The following PTCHD1 variants were observed in gnomAD, a reference collection of about 807,000 sequenced individuals.
The protein encoded by PTCHD1 is patched domain containing 1.
PTCHD1 carries 3 observed loss-of-function variants against 34.6 expected under a neutral mutation model. The ratio of observed to expected loss-of-function variants is 0.09; its 90% CI spans 0.04 to 0.22. The LOEUF is 0.22. Ranked by LOEUF, PTCHD1 falls within the 10% of genes least tolerant of loss-of-function variation. PTCHD1 has a pLI of 1.00. For missense variants in PTCHD1, 504 were observed against 685.5 expected (o/e 0.74, Z 2.96); for synonymous variants, 305 against 283.1 (o/e 1.08, Z -0.77).
chrX:23,362,272 C>A (rs990861469), intron 1 of PTCHD1, among the ~76,000 whole-genome samples: 10 of 112,362 alleles, frequency 8.9e-5, no homozygotes, highest in Non-Finnish European at 1.7e-4. Context: ...TTCTCCCCGT[C>A]ACTTTCAGGT....
intron 1 of PTCHD1, chrX:23,351,209 C>T: frequency 1.1e-5 from 8 of 709,940 alleles, no homozygotes; most frequent in Non-Finnish European, 1.8e-5. Context: ...TCGGTGGAAT[C>T]ACTGGACAGT....
At position 23,396,446 on chromosome X, in the gene PTCHD1, A is replaced by G. The variant is rs1273424535; in HGVS notation, c.*2261A>G. 8.9e-6 allele frequency: 1 copy of G among 112,163 alleles called. No individual in the cohort carries two copies. Among genetic ancestry groups the G allele is most frequent in the Admixed American group, 9.5e-5 (1 of 10,578 alleles). The allele number at this position is 112,163 out of a possible 1,213,427, so 9.2% of individuals were successfully genotyped here. ...AAGAGGGGATTGGTTTTACTGTTAA[A>G]TCATGTGTTGCTAAATCATTTTCTG... On this transcript the variant is annotated 3_prime_UTR_variant, in exon 3 of 3. Transcript: ENST00000379361.
rs964172075 is a variant in PTCHD1, at chrX:23,366,181, A to G, written c.352-13410A>G. The stretch of plus-strand genomic sequence containing the variant: ...TATGACCCCCACGGTTCAGACCTTC[A>G]TTTCGTCAGTGAACTAGTTGTTACA... On this transcript the variant is annotated intron_variant, in intron 1 of 2. Coordinates refer to ENST00000379361, the MANE Select transcript of PTCHD1 (RefSeq NM_173495.3). Among the ~76,000 whole-genome samples the G allele has an allele frequency of 2.7e-5, 3 of 111,948 alleles. 1 individual carries two copies. The highest frequency in any genetic ancestry group is 1.9e-4 in the Admixed American group (2 of 10,575).
intron 2 of PTCHD1, among the ~76,000 whole-genome samples, chrX:23,385,412 C>T (rs1323590111): frequency 9.0e-6 from 1 of 111,223 alleles, no homozygotes; most frequent in African/African-American, 3.3e-5. Flanking sequence ...TGTCTTTGAC[C>T]CAGGATTCCC....
At chrX:23,341,700 A>G (rs781460298) in intron 1 of PTCHD1, among the ~76,000 whole-genome samples, 104 of 110,716 alleles carry the variant, frequency 9.4e-4, no homozygotes, top group Non-Finnish European at 1.7e-3. Flanking sequence ...CTAACCTTTA[A>G]AAGACAAGAA....
chrX:23,390,125 A>T (rs142293267), intron 2 of PTCHD1, among the ~76,000 whole-genome samples: 1,851 of 112,009 alleles, frequency 0.017, 37 homozygotes, highest in African/African-American at 0.057. Context: ...GAACTGCAAA[A>T]CAGATTTAAG....
chrX:23,379,507 C>T, intron 1 of PTCHD1, 84 bp from the exon 2 acceptor site: 1 of 978,348 alleles, frequency 1.0e-6, no homozygotes, highest in South Asian at 2.1e-5. Context: ...AACTGTTTAG[C>T]TTAGAGACGG....
At chrX:23,351,129 A>T (rs770816175) in intron 1 of PTCHD1, 33 of 551,314 alleles carry the variant, frequency 6.0e-5, no homozygotes, top group African/African-American at 5.2e-4. Context: ...TTAAATCTGG[A>T]GGAGGAAGCC....
At chrX:23,373,984 CA>C (rs1922337117) in intron 1 of PTCHD1, among the ~76,000 whole-genome samples, 1 of 111,350 alleles carries the variant, frequency 9.0e-6, no homozygotes, top group African/African-American at 3.3e-5. Flanking sequence ...TTCCTTTTTA[CA>C]TTTTTTTAAT....
chrX:23,392,835 C>T lies in PTCHD1; in HGVS notation c.1317C>T (p.Ile439=), dbSNP rs1389467426. 11 of 1,212,055 alleles carry T rather than the reference C, an allele frequency of 9.1e-6. No homozygotes were observed. Among genetic ancestry groups the T allele is most frequent in the Non-Finnish European group, 1.1e-5 (10 of 895,521 alleles). Residue 439 remains isoleucine (I), a synonymous_variant, in exon 3 of 3, where the codon ATC becomes ATT. Coordinates refer to ENST00000379361, the MANE Select transcript of PTCHD1 (RefSeq NM_173495.3). The part of the protein sequence containing the change: ...GYIENNYQHS[I]FCRKVPKPEA... ...TAGAAAACAATTACCAGCATAGTAT[C>T]TTCTGTAGAAAAGTCCCAAAGCCTG...
intron 1 of PTCHD1, among the ~76,000 whole-genome samples, chrX:23,337,458 CA>C (rs759629515): frequency 4.5e-5 from 5 of 110,945 alleles, no homozygotes; most frequent in Non-Finnish European, 9.4e-5. Flanking sequence ...GATATGGAGC[CA>C]GGGGACAGGA....
At chrX:23,342,065 T>C (rs1921324360) in intron 1 of PTCHD1, among the ~76,000 whole-genome samples, 1 of 107,867 alleles carries the variant, frequency 9.3e-6, no homozygotes, top group Admixed American at 1.0e-4. Context: ...CAAGAGAGTA[T>C]TATTAAGCAA....
intron 1 of PTCHD1, among the ~76,000 whole-genome samples, chrX:23,364,348 A>G (rs62584516): frequency 0.16 from 16,511 of 104,483 alleles, 1,096 homozygotes; most frequent in South Asian, 0.27. Context: ...TATATAAATC[A>G]TACCTTAATT....
At chrX:23,379,289 G>A (rs923723026) in intron 1 of PTCHD1, among the ~76,000 whole-genome samples, 1 of 111,793 alleles carries the variant, frequency 8.9e-6, no homozygotes, top group Non-Finnish European at 1.9e-5. Context: ...TCTTAAGAGG[G>A]CTTGCGAAAA....
At chrX:23,370,813 G>T (rs1257799348) in intron 1 of PTCHD1, among the ~76,000 whole-genome samples, 1 of 111,254 alleles carries the variant, frequency 9.0e-6, no homozygotes, top group African/African-American at 3.3e-5. Flanking sequence ...TGGGTTATAT[G>T]GCATTTTGAT....
chrX:23,345,488 A>C (rs1256868602), intron 1 of PTCHD1, among the ~76,000 whole-genome samples: 2 of 112,044 alleles, frequency 1.8e-5, no homozygotes, highest in African/African-American at 6.5e-5. Flanking sequence ...GTATATCCTG[A>C]CTACTCAGTT....
intron 1 of PTCHD1, among the ~76,000 whole-genome samples, chrX:23,371,485 T>A (rs1483637315): frequency 8.9e-6 from 1 of 111,961 alleles, no homozygotes; most frequent in Non-Finnish European, 1.9e-5. Context: ...GGAGGACATG[T>A]GAGCTGGGCT....
At chrX:23,354,929 C>T (rs887179446) in intron 1 of PTCHD1, among the ~76,000 whole-genome samples, 5 of 108,451 alleles carry the variant, frequency 4.6e-5, no homozygotes, top group African/African-American at 1.7e-4. Flanking sequence ...GAAAGCCCCT[C>T]CCAAGTTGTC....
intron 1 of PTCHD1, among the ~76,000 whole-genome samples, chrX:23,374,562 C>T (rs2069954940): frequency 9.1e-6 from 1 of 109,707 alleles, no homozygotes; most frequent in Non-Finnish European, 1.9e-5. Flanking sequence ...TTATAAGAGC[C>T]AACGCCTCCC....
Sources: allele counts gnomAD v4.1 joint callset (sites outside exome capture counted in the v4.1 genomes callset), GRCh38; gene constraint gnomAD v4.1.1; transcripts MANE v1.5; gene names NCBI Gene and HGNC (gene_info 2026-07-23, HGNC 2026-07-21).